KCTD10: variants seen among roughly 807,000 people sequenced by gnomAD.
KCTD10 encodes BTB/POZ domain-containing adapter for CUL3-mediated RhoA degradation protein 3.
KCTD10 carries 13 observed loss-of-function variants against 34.6 expected under a neutral mutation model. That is an observed-to-expected ratio of 0.38 (90% CI 0.24 to 0.60). KCTD10 has a LOEUF of 0.60. Ranked by LOEUF, KCTD10 falls within the 20% of genes least tolerant of loss-of-function variation. The pLI is 0.66. For missense variants in KCTD10, 256 were observed against 420.3 expected (o/e 0.61, Z 3.42); for synonymous variants, 156 against 168.8 (o/e 0.92, Z 0.59).
chr12:109,461,208 C>T (rs1163447881), intron 2 of KCTD10, among the ~76,000 whole-genome samples: 1 of 152,240 alleles, frequency 6.6e-6, no homozygotes. Context: ...AAAATATCTA[C>T]TTCCTCTTTC....
At chr12:109,469,946 A>G in intron 1 of KCTD10, 1 of 1,255,952 alleles carries the variant, frequency 8.0e-7, no homozygotes, top group East Asian at 2.7e-5. Flanking sequence ...CAGGGGAACA[A>G]CTGGTCAGAG....
At chr12:109,456,551 A>C in intron 5 of KCTD10, 2 of 523,660 alleles carry the variant, frequency 3.8e-6, no homozygotes, top group East Asian at 3.5e-5. Flanking sequence ...CGCCCCCCAA[A>C]AGACAGCCCT....
At chr12:109,452,145 C>A (rs1872805385) in intron 6 of KCTD10, among the ~76,000 whole-genome samples, 1 of 152,194 alleles carries the variant, frequency 6.6e-6, no homozygotes, top group Middle Eastern at 3.2e-3. Context: ...AAAAAACACA[C>A]AAGGTGGCCC....
At position 109,456,275 on chromosome 12, in the gene KCTD10, A is replaced by C; in HGVS notation, c.566T>G (p.Phe189Cys). The C allele has an allele frequency of 6.2e-7, 1 of 1,614,212 alleles. No homozygotes were observed. Among genetic ancestry groups the C allele is most frequent in the Non-Finnish European group, 8.5e-7 (1 of 1,180,036 alleles). Residue 189 changes from phenylalanine to cysteine, a missense_variant, in exon 6 of 7, where the codon TTT becomes TGT. Transcript: ENST00000228495. ...DDNMLKNIEL[F>C]DKLSLRFNGR... ...GTTAAAGCGCAGAGACAGCTTATCA[A>C]ACAGTTCAATGTTTTTCAACATATT...
chr12:109,457,708 AAG>A, intron 4 of KCTD10, 26 bp from the exon 5 acceptor site: 1 of 1,613,038 alleles, frequency 6.2e-7, no homozygotes, highest in Non-Finnish European at 8.5e-7. Flanking sequence ...AAAGAAGAAG[AAG>A]AGAGTTACTT....
intron 5 of KCTD10, chr12:109,457,071 A>AT (rs1362043227): frequency 6.4e-6 from 1 of 155,256 alleles, no homozygotes; most frequent in African/African-American, 2.4e-5. Flanking sequence ...TTATTCTGCC[A>AT]TAAAAAGGAA....
At chr12:109,452,687 C>T (rs984918089) in intron 6 of KCTD10, among the ~76,000 whole-genome samples, 1 of 152,142 alleles carries the variant, frequency 6.6e-6, no homozygotes. Context: ...GGAGTAATGC[C>T]CAACAGTGAG....
At position 109,449,801 on chromosome 12, in the gene KCTD10, AAAAG is replaced by A. The variant is rs1405631415; in HGVS notation, c.*1790_*1793del. 7.4e-5 allele frequency: 11 copies of A among 148,034 alleles called. 1 individual carries two copies. The East Asian group carries it at 1.7e-3, about 23-fold the overall frequency. 9.2% of individuals were successfully genotyped at this position (148,034 alleles called of 1,614,324 possible). On this transcript the variant is annotated 3_prime_UTR_variant, in exon 7 of 7. Transcript: ENST00000228495. The stretch of plus-strand genomic sequence containing the variant: ...TCGACTTTCTAAAAAAGCTCAACCC[AAAAG>A]AAAGACAGGGTTGGTGTTTAACACT...
Position 109,469,597 on chromosome 12 carries a change from G to T in KCTD10, c.135C>A (p.Thr45=), listed in dbSNP as rs777154696. ...KLNVGGALYY[T]TMQTLTKQDT... The stretch of plus-strand genomic sequence containing the variant: ...CCTGCTTGGTCAGCGTCTGCATGGT[G>T]GTATAGTAGAGGGCTCCACCCACAT... Residue 45 remains threonine (T), a synonymous_variant, in exon 2 of 7, where the codon ACC becomes ACA. Transcript: ENST00000228495. The T allele has an allele frequency of 8.7e-6, 14 of 1,614,098 alleles. No homozygotes were observed. Among genetic ancestry groups the T allele is most frequent in the Non-Finnish European group, 1.2e-5 (14 of 1,180,046 alleles).
chr12:109,450,252 G>T lies in KCTD10; in HGVS notation c.*1343C>A. 1 of 398,516 alleles carries T rather than the reference G, an allele frequency of 2.5e-6. No individual in the cohort carries two copies. The highest frequency in any genetic ancestry group is 1.3e-4 in the South Asian group (1 of 7,828). 24.7% of individuals were successfully genotyped at this position (398,516 alleles called of 1,614,324 possible). On this transcript the variant is annotated 3_prime_UTR_variant, in exon 7 of 7. Transcript: ENST00000228495. ...AGTCTCAACCACCCCTGTCAGTCAC[G>T]ACTCACTCCTGTTCCTTTGCAGGTG... is the stretch of plus-strand genomic sequence containing the variant.
rs1873098331 is a variant in KCTD10 at position 109,457,767 on chromosome 12, C to T, written c.475-85G>A. The T allele has an allele frequency of 2.1e-6, 3 of 1,397,888 alleles. No individual in the cohort carries two copies. In the African/African-American group the frequency reaches 4.3e-5, roughly 20 times the overall value. 86.6% of individuals were successfully genotyped at this position (1,397,888 alleles called of 1,614,324 possible). ...ACTAGCTTCCCATAGGGCTGGGGCC[C>T]TGCCCTGCATCAGAAGAGGCAGACA... On this transcript the variant is annotated intron_variant, in intron 4 of 6. Coordinates refer to ENST00000228495, the MANE Select transcript of KCTD10 (RefSeq NM_031954.5).
At position 109,451,856 on chromosome 12, in the gene KCTD10, C is replaced by A. The variant is rs1432675679; in HGVS notation, c.724-43G>T. 1.3e-6 allele frequency: 2 copies of A among 1,535,224 alleles called. No homozygotes were observed. Among genetic ancestry groups the A allele is most frequent in the South Asian group, 1.2e-5 (1 of 80,826 alleles). On this transcript the variant is annotated intron_variant, in intron 6 of 6. Coordinates refer to ENST00000228495, the MANE Select transcript of KCTD10 (RefSeq NM_031954.5). This position sits in a 1 kb window ranked among gnomAD's most constrained non-coding sequence, Gnocchi z 5.0. ...ACAGGGCAGGTAAGTTATGGCCCAC[C>A]CCCTCTGCCAACACCTGGACTTTAA...
intron 1 of KCTD10, among the ~76,000 whole-genome samples, chr12:109,471,883 C>T (rs916384032): frequency 5.3e-5 from 8 of 152,112 alleles, no homozygotes; most frequent in African/African-American, 1.4e-4. Flanking sequence ...CAAAAAAGTA[C>T]ATAAAGTATA....
At chr12:109,459,254 G>A (rs1311024440) in intron 3 of KCTD10, 4 of 152,168 alleles carry the variant, frequency 2.6e-5, no homozygotes, top group Non-Finnish European at 5.9e-5. Flanking sequence ...TAAAACTTCT[G>A]AGAAAGTAGA....
intron 6 of KCTD10, among the ~76,000 whole-genome samples, chr12:109,454,633 G>C (rs1039862855): frequency 1.2e-4 from 19 of 152,196 alleles, no homozygotes; most frequent in African/African-American, 4.6e-4. Context: ...GGAGGCTGAG[G>C]CAGGAGGATC....
In KCTD10 at chr12:109,450,156, C is replaced by G. The variant is rs920146609; in HGVS notation, c.*1439G>C. 3 of 397,990 alleles carry G rather than the reference C, an allele frequency of 7.5e-6. No homozygotes were observed. The highest frequency in any genetic ancestry group is 1.3e-5 in the Non-Finnish European group (3 of 225,962). The allele number at this position is 397,990 out of a possible 1,614,324, so 24.7% of individuals were successfully genotyped here. On this transcript the variant is annotated 3_prime_UTR_variant, in exon 7 of 7. Transcript: ENST00000228495. ...TAATACCTTTGGTATAAAACGGTAA[C>G]GATTCCCTTGACAAACCCATCCATC...
rs1484050111 is a variant in KCTD10 at position 109,465,144 on chromosome 12, G to A, written c.218-4339C>T. Among the ~76,000 whole-genome samples, 5 of 152,142 alleles carry A rather than the reference G, an allele frequency of 3.3e-5. No individual in the cohort carries two copies. The East Asian group carries it at 5.8e-4, about 18-fold the overall frequency. ...AAAGCGTTCAAGGATGTTCACATTCGTCACAGTGAACACCGCAAACCCTCT... is the reference window on the plus strand; with the variant it reads ...AAAGCGTTCAAGGATGTTCACATTCATCACAGTGAACACCGCAAACCCTCT... On this transcript the variant is annotated intron_variant, in intron 2 of 6. Coordinates refer to ENST00000228495, the MANE Select transcript of KCTD10 (RefSeq NM_031954.5).
intron 2 of KCTD10, among the ~76,000 whole-genome samples, chr12:109,468,241 C>A (rs1873688489): frequency 6.6e-6 from 1 of 152,166 alleles, no homozygotes; most frequent in Non-Finnish European, 1.5e-5. Flanking sequence ...CACACCCTGG[C>A]CTTCCCCAGG....
Position 109,449,415 on chromosome 12 carries a change from T to A in KCTD10, c.*2180A>T, listed in dbSNP as rs1380344874. 2.6e-5 allele frequency: 4 copies of A among 152,214 alleles called. No homozygotes were observed. Among genetic ancestry groups the A allele is most frequent in the Non-Finnish European group, 5.9e-5 (4 of 68,052 alleles). 9.4% of individuals were successfully genotyped at this position (152,214 alleles called of 1,614,324 possible). A position where few individuals can be genotyped will look rare whatever the true frequency, so the allele number is the denominator to read the frequency against. ...CAAATCAAATTGTTCCACAAACTCATTCTTCACACAAACATTTAAAACACT... is the reference window on the plus strand; with the variant it reads ...CAAATCAAATTGTTCCACAAACTCAATCTTCACACAAACATTTAAAACACT... On this transcript the variant is annotated 3_prime_UTR_variant, in exon 7 of 7. Coordinates refer to ENST00000228495, the MANE Select transcript of KCTD10 (RefSeq NM_031954.5).
Sources: gnomAD v4.1 joint callset for allele counts (sites outside exome capture counted in the v4.1 genomes callset) on GRCh38, gnomAD v4.1.1 for gene constraint, Gnocchi (gnomAD v3.1) non-coding constraint, MANE v1.5 for transcripts, NCBI Gene and HGNC (gene_info 2026-07-23, HGNC 2026-07-21) for gene names.